Variants in GALNT13 observed in about 807,000 individuals in gnomAD.
GALNT13 encodes polypeptide N-acetylgalactosaminyltransferase 13, also known as UDP-GalNAc:polypeptide N-acetylgalactosaminyltransferase 13.
In GALNT13, 28 loss-of-function variants were observed where a neutral mutation model predicts 64.2. The ratio of observed to expected loss-of-function variants is 0.44; its 90% CI spans 0.32 to 0.60. The LOEUF is 0.60. GALNT13 is among the 20% of genes least tolerant of loss of function. The probability of loss-of-function intolerance (pLI) is 0.05; values close to 1 mark genes in which losing one functional copy is unlikely to be tolerated. For missense variants in GALNT13, 577 were observed against 669.8 expected (o/e 0.86, Z 1.53); for synonymous variants, 214 against 224.6 (o/e 0.95, Z 0.42).
chr2:153,107,503 A>G, the GALNT13 span, among the ~76,000 whole-genome samples: 3 of 152,126 alleles, frequency 2.0e-5, no homozygotes, highest in Non-Finnish European at 4.4e-5. Context: ...CACTGCATTA[A>G]TCTGACCAAG....
At chr2:153,301,024 T>A in the GALNT13 span, among the ~76,000 whole-genome samples, 1 of 151,984 alleles carries the variant, frequency 6.6e-6, no homozygotes, top group African/African-American at 2.4e-5. Context: ...GGCAACATGA[T>A]GAAAGCCTGT....
the GALNT13 span, among the ~76,000 whole-genome samples, chr2:153,798,233 G>C: frequency 8.6e-5 from 13 of 151,980 alleles, no homozygotes; most frequent in African/African-American, 3.1e-4. Context: ...CTCTTCACTG[G>C]ATAAATAGAA....
At chr2:154,175,883 T>C (rs1685620020) in intron 4 of GALNT13, among the ~76,000 whole-genome samples, 1 of 152,320 alleles carries the variant, frequency 6.6e-6, no homozygotes, top group Admixed American at 6.5e-5. Flanking sequence ...TACCAGTTAT[T>C]GCAGTACGTC....
chr2:154,283,526 C>T (rs889167698), intron 8 of GALNT13, among the ~76,000 whole-genome samples: 9 of 150,014 alleles, frequency 6.0e-5, no homozygotes, highest in Admixed American at 2.0e-4. Flanking sequence ...AATTATACTT[C>T]GAGATCGCAC....
intron 8 of GALNT13, among the ~76,000 whole-genome samples, chr2:154,295,026 G>C (rs1268842862): frequency 1.3e-5 from 2 of 152,120 alleles, no homozygotes; most frequent in African/African-American, 4.8e-5. Context: ...TATTGGCAGA[G>C]AACCAATAAA....
At chr2:153,923,841 T>C (rs112622330) in intron 2 of GALNT13, among the ~76,000 whole-genome samples, 10,746 of 152,062 alleles carry the variant, frequency 0.071, 444 homozygotes, top group Middle Eastern at 0.13. Flanking sequence ...GTTTCCAGCT[T>C]CATCCATGTC....
At chr2:153,442,993 G>A in the GALNT13 span, among the ~76,000 whole-genome samples, 17 of 152,286 alleles carry the variant, frequency 1.1e-4, no homozygotes, top group South Asian at 3.3e-3. Flanking sequence ...TCTTTGCGGG[G>A]TGGGATCCAC....
rs930237603 is a variant in GALNT13 at position 154,243,268 on chromosome 2, A to G, written c.686+363A>G. ...GTAGGTACTGTAGATATTCTTATCT[A>G]TAACTTATAATGAGGAGGAACAAAG... On this transcript the variant is annotated intron_variant, in intron 6 of 12. Coordinates refer to ENST00000392825, the MANE Select transcript of GALNT13 (RefSeq NM_052917.4). Among the ~76,000 whole-genome samples, 13 of 152,298 alleles carry G rather than the reference A, an allele frequency of 8.5e-5. No homozygotes were observed. The South Asian group carries it at 1.5e-3, about 17-fold the overall frequency.
At chr2:154,101,771 T>C (rs956625327) in intron 3 of GALNT13, among the ~76,000 whole-genome samples, 3 of 152,088 alleles carry the variant, frequency 2.0e-5, no homozygotes, top group African/African-American at 7.2e-5. Flanking sequence ...TTCTTTTTGG[T>C]GTAGACATTT....
intron 4 of GALNT13, among the ~76,000 whole-genome samples, chr2:154,221,615 T>C (rs1688327233): frequency 2.0e-5 from 3 of 152,084 alleles, no homozygotes; most frequent in Non-Finnish European, 1.5e-5. Context: ...AAGGCAATTC[T>C]ATTTGAGGCT....
At chr2:153,241,556 G>A in the GALNT13 span, among the ~76,000 whole-genome samples, 2 of 151,972 alleles carry the variant, frequency 1.3e-5, no homozygotes, top group East Asian at 1.9e-4. Flanking sequence ...TCCTTCAAAC[G>A]CTACTCCATT....
chr2:153,307,385 T>C, the GALNT13 span, among the ~76,000 whole-genome samples: 5 of 152,114 alleles, frequency 3.3e-5, no homozygotes, highest in Non-Finnish European at 5.9e-5. Flanking sequence ...TCATGTTACG[T>C]AGGCTTTGAA....
At chr2:153,370,983 G>T in the GALNT13 span, 44 of 215,588 alleles carry the variant, frequency 2.0e-4, no homozygotes, top group Non-Finnish European at 3.7e-4. Context: ...CCTTGATCAG[G>T]CCTGATGGAG....
intron 3 of GALNT13, among the ~76,000 whole-genome samples, chr2:153,967,668 TATC>T (rs895334019): frequency 6.6e-6 from 1 of 152,020 alleles, no homozygotes; most frequent in African/African-American, 2.4e-5. Flanking sequence ...TCACAGCTGG[TATC>T]ATGAGGAGTC....
At chr2:153,893,459 T>C (rs1043566461) in intron 1 of GALNT13, among the ~76,000 whole-genome samples, 1 of 151,964 alleles carries the variant, frequency 6.6e-6, no homozygotes, top group African/African-American at 2.4e-5. Context: ...AGAAAAAATG[T>C]AAAAAAGAAT....
intron 12 of GALNT13, among the ~76,000 whole-genome samples, chr2:154,442,831 A>G (rs1701369159): frequency 6.6e-6 from 1 of 152,078 alleles, no homozygotes; most frequent in South Asian, 2.1e-4. Flanking sequence ...TGCAACAAAG[A>G]AAAAAAGGGA....
At chr2:153,902,770 T>G (rs907399873) in intron 2 of GALNT13, among the ~76,000 whole-genome samples, 2 of 152,086 alleles carry the variant, frequency 1.3e-5, no homozygotes, top group Non-Finnish European at 2.9e-5. Flanking sequence ...GTTTTAAATG[T>G]TAATGACTAA....
chr2:153,217,668 G>A, the GALNT13 span, among the ~76,000 whole-genome samples: 3 of 151,066 alleles, frequency 2.0e-5, no homozygotes, highest in South Asian at 2.1e-4. Flanking sequence ...TAGCATTTCC[G>A]TTAATTATTT....
At chr2:153,800,045 G>GCTCTCTCTCTCTCTCT in the GALNT13 span, among the ~76,000 whole-genome samples, 1,087 of 118,922 alleles carry the variant, frequency 9.1e-3, 27 homozygotes, top group South Asian at 0.016. Context: ...CATTTAGTTT[G>GCTCTCTCTCTCTCTCT]CTCTCTCTCT....
Sources: gnomAD v4.1 joint callset for allele counts (sites outside exome capture counted in the v4.1 genomes callset) on GRCh38, gnomAD v4.1.1 for gene constraint, MANE v1.5 for transcripts, NCBI Gene and HGNC (gene_info 2026-07-23, HGNC 2026-07-21) for gene names.